The following SEC23A variants were observed in gnomAD, a reference collection of about 807,000 sequenced individuals.
The protein encoded by SEC23A is protein transport protein Sec23A.
A neutral mutation model predicts 103.7 loss-of-function variants in SEC23A; 56 were observed. That is an observed-to-expected ratio of 0.54 (90% confidence interval 0.44 to 0.67). The LOEUF is 0.67. SEC23A is among the 30% of genes least tolerant of loss of function. The pLI, the probability that SEC23A is intolerant of heterozygous loss-of-function variation, is 0.00. For missense variants in SEC23A, 784 were observed against 936.4 expected (o/e 0.84, Z 2.12); for synonymous variants, 281 against 293.0 (o/e 0.96, Z 0.42).
rs117814222 is a variant in SEC23A at position 39,096,940 on chromosome 14, G to T, written c.-21-801C>A. Among the ~76,000 whole-genome samples, 1,214 of 152,244 alleles carry T rather than the reference G, an allele frequency of 8.0e-3. 12 individuals are homozygous for T. Among genetic ancestry groups the T allele is most frequent in the Non-Finnish European group, 0.011 (736 of 68,022 alleles). On this transcript the variant is annotated intron_variant, in intron 1 of 19. Coordinates refer to ENST00000307712, the MANE Select transcript of SEC23A (RefSeq NM_006364.4). ...CCTAAAACTGGACACTTCTGCTTTG[G>T]ACAGGTAATTTTCTTATTGTGCAAG...
Position 39,037,373 on chromosome 14 carries a change from C to A in SEC23A, c.2208+1658G>T, listed in dbSNP as rs1885495928. Among the ~76,000 whole-genome samples the A allele has an allele frequency of 2.0e-5, 3 of 152,118 alleles. No homozygotes were observed. In the East Asian group the frequency reaches 5.8e-4, roughly 29 times the overall value. ...TTCCTAGTCACTCAGGCTTAAAACCCCAAAATACCCTGTTTCCCCTCACCT... is the reference window on the plus strand; with the variant it reads ...TTCCTAGTCACTCAGGCTTAAAACCACAAAATACCCTGTTTCCCCTCACCT... On this transcript the variant is annotated intron_variant, in intron 19 of 19. Transcript: ENST00000307712.
chr14:39,096,209 C>T, intron 1 of SEC23A, 70 bp from the exon 2 acceptor site: 2 of 996,976 alleles, frequency 2.0e-6, no homozygotes, highest in Non-Finnish European at 3.1e-6. Context: ...TGAATGTTCT[C>T]CCCTCATTCA....
intron 6 of SEC23A, among the ~76,000 whole-genome samples, chr14:39,086,431 G>T (rs962310731): frequency 6.6e-6 from 1 of 152,152 alleles, no homozygotes; most frequent in East Asian, 1.9e-4. Flanking sequence ...AAAGTCAGGA[G>T]ATTGGGATGG....
At position 39,091,618 on chromosome 14, in the gene SEC23A, T is replaced by C; in HGVS notation, c.462A>G (p.Ser154=). 1 of 1,614,018 alleles carries C rather than the reference T, an allele frequency of 6.2e-7. No individual in the cohort carries two copies. Among genetic ancestry groups the C allele is most frequent in the Non-Finnish European group, 8.5e-7 (1 of 1,179,930 alleles). The change falls in exon 5 of 20, where the codon TCA becomes TCG. Residue 154 remains serine, a synonymous_variant. Transcript: ENST00000307712. Reference sequence around the variant, plus strand: ...AAGCTGTAGGTGGTAAAAGACTTAATGACATCTGCATGGATTCTTTCAGGG... The same window carrying C: ...AAGCTGTAGGTGGTAAAAGACTTAACGACATCTGCATGGATTCTTTCAGGG... ...LQALKESMQM[S]LSLLPPTALV...
At chr14:39,093,647 G>A (rs34642409) in intron 2 of SEC23A, among the ~76,000 whole-genome samples, 31,904 of 151,966 alleles carry the variant, frequency 0.21, 4,227 homozygotes, top group Middle Eastern at 0.37. Flanking sequence ...TGCACTCCCA[G>A]TTACTTAGGA....
intron 17 of SEC23A, chr14:39,041,438 CTGTCA>C (rs1490552315): frequency 1.3e-5 from 1 of 77,476 alleles, no homozygotes; most frequent in Non-Finnish European, 2.8e-5. Flanking sequence ...AAAAAAAGCC[CTGTCA>C]GTATTACAGG....
chr14:39,093,198 G>T lies in SEC23A; in HGVS notation c.268C>A (p.Gln90Lys), dbSNP rs769255707. Residue 90 changes from glutamine (Q) to lysine (K), a missense_variant, in exon 3 of 20, where the codon CAA becomes AAA. By Grantham distance (53) the Gln-to-Lys change is moderately conservative. This residue lies in a region of SEC23A where 683 missense variants were observed against 774.2 expected (regional missense o/e 0.88). Transcript: ENST00000307712. ...AKLWACNFCY[Q>K]RNQFPPSYAG... ...GGATGTTTTCTTACCTGATTCCTTT[G>T]GTAACAAAAGTTGCAAGCCCAAAGT... 1.2e-6 allele frequency: 2 copies of T among 1,611,702 alleles called. No homozygotes were observed. Among genetic ancestry groups the T allele is most frequent in the Admixed American group, 3.3e-5 (2 of 59,918 alleles).
At chr14:39,065,306 C>G (rs1184531454) in intron 10 of SEC23A, among the ~76,000 whole-genome samples, 1 of 152,038 alleles carries the variant, frequency 6.6e-6, no homozygotes, top group African/African-American at 2.4e-5. Flanking sequence ...CCTTAGACAC[C>G]CTATTCTATT....
chr14:39,073,660 A>AGT (rs2139248916), intron 9 of SEC23A, among the ~76,000 whole-genome samples: 1 of 119,164 alleles, frequency 8.4e-6, no homozygotes, highest in East Asian at 2.6e-4. Flanking sequence ...CCAAGGCTGG[A>AGT]GTGCAGTGGC....
Position 39,075,974 on chromosome 14 carries a change from A to G in SEC23A, c.948T>C (p.Ile316=), listed in dbSNP as rs140473563. ...LKTPIRSWHD[I]DKDNAKYVKK... ...TAACATATTTGGCATTGTCTTTGTC[A>G]ATGTCATGCCACGATCTTATAGGTG... Residue 316 remains isoleucine (I), a synonymous_variant, in exon 8 of 20, where the codon ATT becomes ATC. Transcript: ENST00000307712. The G allele has an allele frequency of 8.8e-5, 142 of 1,613,886 alleles. No homozygotes were observed. The highest frequency in any genetic ancestry group is 1.6e-4 in the Middle Eastern group (1 of 6,082).
intron 19 of SEC23A, 119 bp downstream of exon 19, chr14:39,038,912 C>T: frequency 1.1e-6 from 1 of 885,428 alleles, no homozygotes; most frequent in Non-Finnish European, 1.8e-6. Context: ...CTCATTTTTA[C>T]ATTACTTTTC....
rs373725674 is a variant in SEC23A at position 39,085,750 on chromosome 14, C to T, written c.828+12G>A. ...CACACTTTACATTCCAAAACAAAACCATCTTCCCTACCTCCAGCAGTCCTA... is the reference window on the plus strand; with the variant it reads ...CACACTTTACATTCCAAAACAAAACTATCTTCCCTACCTCCAGCAGTCCTA... On this transcript the variant is annotated intron_variant, in intron 7 of 19. Transcript: ENST00000307712. 2.5e-6 allele frequency: 4 copies of T among 1,577,386 alleles called. No individual in the cohort carries two copies. Among genetic ancestry groups the T allele is most frequent in the East Asian group, 4.9e-5 (2 of 41,012 alleles).
intron 16 of SEC23A, 114 bp from the exon 17 acceptor site, chr14:39,042,986 T>G: frequency 1.4e-6 from 1 of 732,596 alleles, no homozygotes; most frequent in East Asian, 3.0e-5. Context: ...TTTATTTATT[T>G]ATTTTTTTGG....
chr14:39,034,821 T>C (rs191312527), intron 19 of SEC23A, among the ~76,000 whole-genome samples: 2 of 152,172 alleles, frequency 1.3e-5, no homozygotes, highest in African/African-American at 4.8e-5. Context: ...AAGCTTTACA[T>C]TATTTAGTAT....
intron 8 of SEC23A, 81 bp downstream of exon 8, chr14:39,075,854 A>C (rs2139253506): frequency 8.1e-7 from 1 of 1,238,298 alleles, no homozygotes; most frequent in East Asian, 2.3e-5. Context: ...ATTTCTATCA[A>C]AAACTATTTG....
rs928491624 is a variant in SEC23A, at chr14:39,075,916, A to C, written c.987+19T>G. On this transcript the variant is annotated intron_variant, in intron 8 of 19. Transcript: ENST00000307712. ...ACCTGTTTTCTAATAAGGCAAAAATATTTAACAGTCAAAATTACCTTAGTT... is the reference window on the plus strand; with the variant it reads ...ACCTGTTTTCTAATAAGGCAAAAATCTTTAACAGTCAAAATTACCTTAGTT... The C allele has an allele frequency of 6.2e-7, 1 of 1,611,248 alleles. No individual in the cohort carries two copies. Among genetic ancestry groups the C allele is most frequent in the Non-Finnish European group, 8.5e-7 (1 of 1,177,568 alleles).
chr14:39,063,163 C>T (rs1181020032), intron 12 of SEC23A, among the ~76,000 whole-genome samples, 161 bp downstream of exon 12: 1 of 152,012 alleles, frequency 6.6e-6, no homozygotes, highest in Non-Finnish European at 1.5e-5. Flanking sequence ...AGGAGTTTAG[C>T]CTTGAAAAAT....
intron 2 of SEC23A, among the ~76,000 whole-genome samples, chr14:39,094,023 C>T (rs1887754059): frequency 1.3e-5 from 2 of 151,160 alleles, no homozygotes; most frequent in Admixed American, 6.6e-5. Flanking sequence ...CAAGAAAATA[C>T]TTTTGGTGTT....
intron 7 of SEC23A, among the ~76,000 whole-genome samples, chr14:39,083,159 G>T (rs550270390): frequency 6.6e-6 from 1 of 152,170 alleles, no homozygotes; most frequent in Non-Finnish European, 1.5e-5. Context: ...TCTTGTGAAA[G>T]GAAAGTAAGT....
Sources: allele counts gnomAD v4.1 joint callset (sites outside exome capture counted in the v4.1 genomes callset), GRCh38; gene constraint gnomAD v4.1.1; regional missense constraint gnomAD v4.1.1; transcripts MANE v1.5; gene names NCBI Gene and HGNC (gene_info 2026-07-23, HGNC 2026-07-21).